Variants in GSAP observed in about 807,000 individuals in gnomAD.
GSAP encodes gamma-secretase-activating protein.
GSAP carries 118 observed loss-of-function variants against 131.7 expected under a neutral mutation model. That is an observed-to-expected ratio of 0.90 (90% CI 0.77 to 1.04). The LOEUF (loss-of-function observed/expected upper bound fraction) is 1.04, where lower values mean the gene tolerates loss of function less well. Ranked by LOEUF, GSAP falls within the 50% of genes least tolerant of loss-of-function variation. The probability of loss-of-function intolerance (pLI) is 0.00; values close to 1 mark genes in which losing one functional copy is unlikely to be tolerated. For missense variants in GSAP, 1,019 were observed against 1,013.2 expected (o/e 1.01, Z -0.08); for synonymous variants, 381 against 363.4 (o/e 1.05, Z -0.55).
Position 77,381,363 on chromosome 7 carries a change from G to C in GSAP, c.527-9C>G. On this transcript the variant is annotated splice_polypyrimidine_tract_variant and intron_variant, in intron 7 of 30. Transcript: ENST00000257626. Reference sequence around the variant, plus strand: ...ACGAAATTGTTCAATATCTTTAAAAGAAAAACAAAGAAAGATAATTTAACC... The same window carrying C: ...ACGAAATTGTTCAATATCTTTAAAACAAAAACAAAGAAAGATAATTTAACC... 7.1e-7 allele frequency: 1 copy of C among 1,414,104 alleles called. No individual in the cohort carries two copies. The highest frequency in any genetic ancestry group is 9.8e-7 in the Non-Finnish European group (1 of 1,023,836). 87.6% of individuals were successfully genotyped at this position (1,414,104 alleles called of 1,614,324 possible).
At chr7:77,379,812 C>A (rs977518853) in intron 8 of GSAP, 5 of 964,700 alleles carry the variant, frequency 5.2e-6, no homozygotes, top group African/African-American at 1.8e-5. Flanking sequence ...TTAGCCCCTG[C>A]GGGACAATGG....
At chr7:77,343,963 C>T (rs1418836503) in intron 19 of GSAP, among the ~76,000 whole-genome samples, 1 of 152,166 alleles carries the variant, frequency 6.6e-6, no homozygotes, top group Non-Finnish European at 1.5e-5. Context: ...CCCCTCCCTT[C>T]CCTACACATC....
chr7:77,337,478 A>G (rs961386499), intron 19 of GSAP, among the ~76,000 whole-genome samples: 2 of 152,120 alleles, frequency 1.3e-5, no homozygotes, highest in African/African-American at 4.8e-5. Flanking sequence ...CCCAGCCTAC[A>G]ACAGTTTAAC....
chr7:77,365,000 G>A (rs1242262041), intron 12 of GSAP, among the ~76,000 whole-genome samples: 3 of 152,186 alleles, frequency 2.0e-5, no homozygotes, highest in African/African-American at 7.2e-5. Context: ...TCACTCTGTT[G>A]CCCAGGCTGG....
rs375932693 is a variant in GSAP at position 77,313,472 on chromosome 7, T to C, written c.2271+16A>G. ...GCCAAAGCTTAGGGAGAAAATAAAA[T>C]GTAACTCAGTATTACCGGAGGAAGC... On this transcript the variant is annotated intron_variant, in intron 28 of 30. Transcript: ENST00000257626. The C allele has an allele frequency of 1.4e-6, 2 of 1,416,758 alleles. No homozygotes were observed. Among genetic ancestry groups the C allele is most frequent in the Non-Finnish European group, 2.0e-6 (2 of 1,005,034 alleles). The allele number at this position is 1,416,758 out of a possible 1,614,324, so 87.8% of individuals were successfully genotyped here. A position where few individuals can be genotyped will look rare whatever the true frequency, so the allele number is the denominator to read the frequency against.
At chr7:77,396,411 T>A (rs1330195418) in intron 5 of GSAP, among the ~76,000 whole-genome samples, 1 of 152,142 alleles carries the variant, frequency 6.6e-6, no homozygotes, top group Non-Finnish European at 1.5e-5. Flanking sequence ...ATACCTCTCT[T>A]ACACACCATT....
At position 77,387,046 on chromosome 7, in the gene GSAP, A is replaced by T. The variant is rs1798676992; in HGVS notation, c.456+314T>A. 1.3e-5 allele frequency among the ~76,000 whole-genome samples: 2 copies of T among 152,234 alleles called. 1 individual carries two copies. The highest frequency in any genetic ancestry group is 4.1e-4 in the South Asian group (2 of 4,834). On this transcript the variant is annotated intron_variant, in intron 6 of 30. Transcript: ENST00000257626. ...CAGGGATTAAGCCATTTAACCATAG[A>T]TACTTAATCTGTCAACCATGCAAAT...
At chr7:77,411,364 A>G (rs1803253075) in intron 1 of GSAP, among the ~76,000 whole-genome samples, 1 of 152,220 alleles carries the variant, frequency 6.6e-6, no homozygotes, top group Non-Finnish European at 1.5e-5. Flanking sequence ...ATGTTAGAAA[A>G]CTTACATATT....
intron 19 of GSAP, among the ~76,000 whole-genome samples, chr7:77,346,203 G>A (rs192233138): frequency 1.3e-3 from 184 of 140,944 alleles, no homozygotes; most frequent in Admixed American, 5.8e-3. Context: ...CCAGGAGGCA[G>A]AGGCTGCAGT....
At chr7:77,353,486 T>C (rs983709044) in intron 17 of GSAP, 86 bp downstream of exon 17, 6 of 786,666 alleles carry the variant, frequency 7.6e-6, no homozygotes, top group Non-Finnish European at 1.1e-5. Context: ...TTTGGACAGG[T>C]TGAGGCATTC....
At position 77,324,826 on chromosome 7, in the gene GSAP, C is replaced by T. The variant is rs201742883; in HGVS notation, c.1828-1084G>A. 4.4e-4 allele frequency among the ~76,000 whole-genome samples: 43 copies of T among 97,286 alleles called. No homozygotes were observed. The East Asian group carries it at 0.011, about 25-fold the overall frequency. 63.8% of individuals were successfully genotyped at this position (97,286 alleles called of 152,430 possible). A position where few individuals can be genotyped will look rare whatever the true frequency, so the allele number is the denominator to read the frequency against. ...TGTCGTGTAAACATTGTTTGCCATA[C>T]TTTTTTTTTTTTTTTTTTTTTGCTC... is the stretch of plus-strand genomic sequence containing the variant. On this transcript the variant is annotated intron_variant, in intron 23 of 30. Coordinates refer to ENST00000257626, the MANE Select transcript of GSAP (RefSeq NM_017439.4).
intron 6 of GSAP, among the ~76,000 whole-genome samples, chr7:77,385,455 A>G (rs1213049958): frequency 6.6e-6 from 1 of 152,230 alleles, no homozygotes; most frequent in Non-Finnish European, 1.5e-5. Context: ...TTGCTTTTAA[A>G]AACTTTTCCC....
chr7:77,394,493 C>T (rs1393105484), intron 5 of GSAP, among the ~76,000 whole-genome samples: 1 of 152,172 alleles, frequency 6.6e-6, no homozygotes, highest in East Asian at 1.9e-4. Context: ...ATTAATTGGA[C>T]TCAAATCTCT....
chr7:77,373,383 C>T (rs773146797), intron 12 of GSAP, among the ~76,000 whole-genome samples: 1 of 152,146 alleles, frequency 6.6e-6, no homozygotes, highest in Non-Finnish European at 1.5e-5. Flanking sequence ...TAAAGGAATA[C>T]AATTTTAGTC....
At chr7:77,331,452 G>T (rs1406243268) in intron 19 of GSAP, among the ~76,000 whole-genome samples, 2 of 152,168 alleles carry the variant, frequency 1.3e-5, no homozygotes, top group Non-Finnish European at 2.9e-5. Flanking sequence ...TGTAATGTGT[G>T]GTCATAAAAC....
intron 12 of GSAP, 50 bp from the exon 13 acceptor site, chr7:77,362,710 A>G (rs757005724): frequency 9.2e-7 from 1 of 1,090,176 alleles, no homozygotes; most frequent in Non-Finnish European, 1.4e-6. Context: ...TATGTCATAA[A>G]TAAAGTTTCC....
At chr7:77,334,262 T>C (rs1272205413) in intron 19 of GSAP, among the ~76,000 whole-genome samples, 1 of 152,256 alleles carries the variant, frequency 6.6e-6, no homozygotes, top group East Asian at 1.9e-4. Flanking sequence ...AACAAGATCA[T>C]GTCCTTTGCA....
chr7:77,330,131 T>C (rs180875563), intron 20 of GSAP, 108 bp downstream of exon 20: 47 of 1,284,076 alleles, frequency 3.7e-5, no homozygotes, highest in East Asian at 7.8e-5. Flanking sequence ...TCCCTGGCAA[T>C]TGGGAAGAGT....
intron 9 of GSAP, 28 bp downstream of exon 9, chr7:77,377,258 A>AT: frequency 1.4e-5 from 19 of 1,400,684 alleles, no homozygotes; most frequent in Middle Eastern, 1.9e-4. Context: ...AAAAAAAAAA[A>AT]GGAGTGCCCG....
Sources: gnomAD v4.1 joint callset for allele counts (sites outside exome capture counted in the v4.1 genomes callset) on GRCh38, gnomAD v4.1.1 for gene constraint, MANE v1.5 for transcripts, NCBI Gene and HGNC (gene_info 2026-07-23, HGNC 2026-07-21) for gene names.